Variants in MGAT4C observed in about 807,000 individuals in gnomAD.
MGAT4C encodes the protein alpha-1,3-mannosyl-glycoprotein 4-beta-N-acetylglucosaminyltransferase C.
In MGAT4C, 19 loss-of-function variants were observed where a neutral mutation model predicts 40.1. The observed-to-expected ratio is 0.47, with a 90% confidence interval of 0.33 to 0.70. MGAT4C has a LOEUF of 0.70. Ranked by LOEUF, MGAT4C falls within the 30% of genes least tolerant of loss-of-function variation. The pLI is 0.02. For synonymous variants in MGAT4C, 181 were observed against 187.1 expected (o/e 0.97, Z 0.27); for missense variants, 491 against 563.2 (o/e 0.87, Z 1.30).
At chr12:86,087,992 C>T (rs1003621655) in intron 1 of MGAT4C, among the ~76,000 whole-genome samples, 1 of 151,682 alleles carries the variant, frequency 6.6e-6, no homozygotes, top group Non-Finnish European at 1.5e-5. Flanking sequence ...GTATTATAAG[C>T]GTACAGTAAT....
At chr12:86,371,993 T>A (rs967280743) in intron 3 of MGAT4C, among the ~76,000 whole-genome samples, 3 of 151,840 alleles carry the variant, frequency 2.0e-5, no homozygotes, top group Non-Finnish European at 2.9e-5. Flanking sequence ...ACTTCAAAGT[T>A]AATGAAGATT....
chr12:86,615,727 C>T (rs1173909302), intron 2 of MGAT4C, among the ~76,000 whole-genome samples: 3 of 152,064 alleles, frequency 2.0e-5, no homozygotes, highest in Non-Finnish European at 2.9e-5. Flanking sequence ...TAACAAATCA[C>T]ATCAAATCCA....
chr12:86,655,456 A>T (rs1323983172), intron 2 of MGAT4C, among the ~76,000 whole-genome samples: 10 of 152,040 alleles, frequency 6.6e-5, no homozygotes, highest in Non-Finnish European at 5.9e-5. Context: ...TCATCAATGT[A>T]TTTCACCAGC....
intron 2 of MGAT4C, among the ~76,000 whole-genome samples, chr12:86,725,838 C>T (rs889540875): frequency 1.3e-5 from 2 of 152,140 alleles, no homozygotes; most frequent in Non-Finnish European, 2.9e-5. Flanking sequence ...ACACAAATTA[C>T]GACTTTATAG....
At chr12:86,579,895 C>G (rs1414609259) in intron 2 of MGAT4C, among the ~76,000 whole-genome samples, 1 of 151,522 alleles carries the variant, frequency 6.6e-6, no homozygotes, top group Non-Finnish European at 1.5e-5. Context: ...AAGGTTTCCA[C>G]TGAAAAGACT....
intron 2 of MGAT4C, among the ~76,000 whole-genome samples, chr12:86,683,213 C>T (rs571655633): frequency 7.2e-5 from 11 of 151,974 alleles, no homozygotes; most frequent in Non-Finnish European, 1.2e-4. Context: ...TATGAAGAAA[C>T]GGAACTCTAT....
At chr12:86,582,422 GT>G (rs1231653181) in intron 2 of MGAT4C, among the ~76,000 whole-genome samples, 1 of 151,294 alleles carries the variant, frequency 6.6e-6, no homozygotes, top group Non-Finnish European at 1.5e-5. Flanking sequence ...GAACAAAGCT[GT>G]TTAGAGCCAA....
intron 2 of MGAT4C, among the ~76,000 whole-genome samples, chr12:86,462,745 G>C (rs529257086): frequency 2.0e-4 from 31 of 152,276 alleles, no homozygotes; most frequent in African/African-American, 6.3e-4. Context: ...CTTAGAGTCT[G>C]ATGTTTGAGT....
chr12:86,053,708 A>G (rs189145414), intron 1 of MGAT4C, among the ~76,000 whole-genome samples: 5 of 152,148 alleles, frequency 3.3e-5, no homozygotes, highest in Middle Eastern at 3.4e-3. Context: ...CTAAATGTAT[A>G]AGGAACTCAA....
chr12:86,621,183 A>G (rs1339842613), intron 2 of MGAT4C, among the ~76,000 whole-genome samples: 3 of 152,096 alleles, frequency 2.0e-5, no homozygotes, highest in Admixed American at 6.5e-5. Context: ...AATAGTACAC[A>G]TTCAAATTTT....
intron 1 of MGAT4C, among the ~76,000 whole-genome samples, chr12:86,199,857 T>C (rs1282987048): frequency 6.6e-6 from 1 of 152,124 alleles, no homozygotes; most frequent in African/African-American, 2.4e-5. Context: ...GAATATTTTA[T>C]ACAATGTTTA....
intron 1 of MGAT4C, among the ~76,000 whole-genome samples, chr12:86,775,761 G>C (rs905848068): frequency 6.6e-5 from 10 of 151,534 alleles, no homozygotes; most frequent in African/African-American, 2.4e-4. Context: ...TCATTTGCTA[G>C]ACCAAATAAT....
chr12:86,200,127 G>GTTTTTTTTTTTTTTTTTTTTTTTTTT (rs56844963), intron 1 of MGAT4C, among the ~76,000 whole-genome samples: 3 of 102,356 alleles, frequency 2.9e-5, no homozygotes, highest in Non-Finnish European at 3.7e-5. Flanking sequence ...GTATGTATTT[G>GTTTTTTTTTTTTTTTTTTTTTTTTTT]TTTTTTTTTT....
intron 1 of MGAT4C, among the ~76,000 whole-genome samples, chr12:86,177,365 T>C (rs1887568154): frequency 6.6e-6 from 1 of 152,178 alleles, no homozygotes; most frequent in Non-Finnish European, 1.5e-5. Flanking sequence ...TCTTTAACCA[T>C]AAGTGATGTA....
At chr12:86,158,523 C>A (rs1253983299) in intron 1 of MGAT4C, among the ~76,000 whole-genome samples, 3 of 152,028 alleles carry the variant, frequency 2.0e-5, no homozygotes, top group Non-Finnish European at 2.9e-5. Context: ...ATTTCTTCTT[C>A]TTATTTCATG....
At chr12:86,177,725 C>T (rs1232601850) in intron 1 of MGAT4C, among the ~76,000 whole-genome samples, 4 of 152,004 alleles carry the variant, frequency 2.6e-5, no homozygotes, top group African/African-American at 9.7e-5. Flanking sequence ...CCTGTGATTA[C>T]AGTGTCTAAT....
At chr12:86,527,368 G>A (rs1012058091) in intron 2 of MGAT4C, among the ~76,000 whole-genome samples, 11 of 152,072 alleles carry the variant, frequency 7.2e-5, no homozygotes, top group Admixed American at 6.6e-4. Context: ...CTGTTTTTAT[G>A]CAAGTACAAC....
At chr12:86,549,697 C>T (rs1270882541) in intron 2 of MGAT4C, among the ~76,000 whole-genome samples, 1 of 152,160 alleles carries the variant, frequency 6.6e-6, no homozygotes, top group Non-Finnish European at 1.5e-5. Context: ...GCTTGATGCT[C>T]ACCACCACCA....
chr12:86,549,003 G>T (rs1959228530), intron 2 of MGAT4C, among the ~76,000 whole-genome samples: 1 of 152,084 alleles, frequency 6.6e-6, no homozygotes, highest in South Asian at 2.1e-4. Context: ...AATACTTCCT[G>T]CCTACTTCAC....
Sources: allele counts gnomAD v4.1 joint callset (sites outside exome capture counted in the v4.1 genomes callset), GRCh38; gene constraint gnomAD v4.1.1; transcripts MANE v1.5; gene names NCBI Gene and HGNC (gene_info 2026-07-23, HGNC 2026-07-21).